Variants in NUP205 observed in about 807,000 individuals in gnomAD.
NUP205 encodes the protein nuclear pore complex protein Nup205.
In NUP205, 76 loss-of-function variants were observed where a neutral mutation model predicts 253.8. That is an observed-to-expected ratio of 0.30 (90% CI 0.25 to 0.36). NUP205 has a LOEUF of 0.36. Ranked by LOEUF, NUP205 falls within the 10% of genes least tolerant of loss-of-function variation. NUP205 has a pLI of 1.00. For missense variants in NUP205, 2,162 were observed against 2,425.5 expected (o/e 0.89, Z 2.28); for synonymous variants, 832 against 850.1 (o/e 0.98, Z 0.37).
At position 135,630,741 on chromosome 7, in the gene NUP205, T is replaced by C. The variant is rs980010147; in HGVS notation, c.5059+271T>C. 1.5e-4 allele frequency among the ~76,000 whole-genome samples: 23 copies of C among 152,170 alleles called. No homozygotes were observed. The East Asian group carries it at 3.3e-3, about 22-fold the overall frequency. ...GGGTTCAAGACCAGCCTGGGCAACA[T>C]AGAGACACCCTGTCTCTACCAAAAA... On this transcript the variant is annotated intron_variant, in intron 35 of 42. Transcript: ENST00000285968.
chr7:135,595,710 C>T (rs936698380), intron 13 of NUP205, among the ~76,000 whole-genome samples: 24 of 151,998 alleles, frequency 1.6e-4, no homozygotes, highest in African/African-American at 5.3e-4. Flanking sequence ...TGTTTGAAGT[C>T]TCAATAACTT....
rs1479529330 is a variant in NUP205 at position 135,625,258 on chromosome 7, T to C, written c.4574T>C (p.Leu1525Pro). The C allele has an allele frequency of 6.2e-7, 1 of 1,614,174 alleles. No homozygotes were observed. Among genetic ancestry groups the C allele is most frequent in the Non-Finnish European group, 8.5e-7 (1 of 1,180,010 alleles). Residue 1525 changes from leucine (L) to proline (P), a missense_variant, in exon 32 of 43, where the codon CTC (leucine) becomes CCC (proline). Leu to Pro is a moderately conservative substitution (Grantham distance 98, BLOSUM62 -3). Around this residue, in one of 5 missense-constraint regions of NUP205, gnomAD observed 1,144 missense variants for 1,280.9 expected, o/e 0.89. Coordinates refer to ENST00000285968, the MANE Select transcript of NUP205 (RefSeq NM_015135.3). ...TCTAACAGTGGCTACTTGAAGGTCCTCGTAGACAGCTTGGTAGAAGATGAC... is the reference window on the plus strand; with the variant it reads ...TCTAACAGTGGCTACTTGAAGGTCCCCGTAGACAGCTTGGTAGAAGATGAC... ...YLSNSGYLKVLVDSLVEDDRT... is the reference protein window; with the variant it reads ...YLSNSGYLKVPVDSLVEDDRT...
chr7:135,567,121 T>C (rs1239172938), intron 1 of NUP205, among the ~76,000 whole-genome samples: 21 of 1,604 alleles, frequency 0.013, no homozygotes, highest in African/African-American at 0.02. Context: ...TTGCTCAGTC[T>C]ATGTGTGTAT....
chr7:135,608,977 G>A (rs747711204), intron 22 of NUP205, among the ~76,000 whole-genome samples: 77 of 150,956 alleles, frequency 5.1e-4, no homozygotes, highest in African/African-American at 1.7e-3. Context: ...GGTTGTGGAC[G>A]CCTGTAATCC....
At chr7:135,617,788 G>A in intron 27 of NUP205, 106 bp downstream of exon 27, 2 of 566,290 alleles carry the variant, frequency 3.5e-6, no homozygotes, top group African/African-American at 1.9e-5. Context: ...TTAGTAAGCT[G>A]CCTAAAAATT....
At chr7:135,614,415 C>G (rs372823487) in intron 23 of NUP205, 142 bp downstream of exon 23, 1 of 567,836 alleles carries the variant, frequency 1.8e-6, no homozygotes, top group East Asian at 3.0e-5. Flanking sequence ...TTTGTAATTT[C>G]TGCTTAAAGA....
At position 135,609,395 on chromosome 7, in the gene NUP205, G is replaced by A. The variant is rs1360230559; in HGVS notation, c.3195+2024G>A. Among the ~76,000 whole-genome samples the A allele has an allele frequency of 2.0e-5, 3 of 151,396 alleles. No homozygotes were observed. In the East Asian group the frequency reaches 5.9e-4, roughly 30 times the overall value. On this transcript the variant is annotated intron_variant, in intron 22 of 42. Transcript: ENST00000285968. ...CGGGAGGCTGAGGCAGGAGAATGGC[G>A]TGAACCCGGGAGGTGGAGCTTGCAG... is the stretch of plus-strand genomic sequence containing the variant.
In NUP205 at chr7:135,565,613, G is replaced by A. The variant is rs146882496; in HGVS notation, c.29-5492G>A. On this transcript the variant is annotated intron_variant, in intron 1 of 42. Transcript: ENST00000285968. ...ATGCCTGGCTAATTTTGTATTTTTA[G>A]TAGAGATGGGGTTTCTCTATGTTGA... is the stretch of plus-strand genomic sequence containing the variant. Among the ~76,000 whole-genome samples the A allele has an allele frequency of 2.8e-3, 430 of 151,970 alleles. 9 individuals carry two copies. The East Asian group carries it at 0.051, about 18-fold the overall frequency.
chr7:135,637,829 G>A, intron 36 of NUP205, 102 bp from the exon 37 acceptor site: 1 of 1,076,510 alleles, frequency 9.3e-7, no homozygotes, highest in East Asian at 2.5e-5. Flanking sequence ...GATGCCTTAA[G>A]GACTGATTCC....
intron 42 of NUP205, 121 bp from the exon 43 acceptor site, chr7:135,648,283 A>C (rs911700360): frequency 2.5e-6 from 2 of 785,982 alleles, no homozygotes; most frequent in Non-Finnish European, 3.6e-6. Flanking sequence ...AAAATTCAAA[A>C]GTATTTACAT....
intron 22 of NUP205, 24 bp downstream of exon 22, chr7:135,607,395 G>A (rs774059161): frequency 3.9e-5 from 62 of 1,609,246 alleles, no homozygotes; most frequent in Non-Finnish European, 4.9e-5. Context: ...TGCGTTTTGT[G>A]GTACTGAATA....
chr7:135,563,427 TGTG>T (rs1805649429), intron 1 of NUP205, among the ~76,000 whole-genome samples: 1 of 152,070 alleles, frequency 6.6e-6, no homozygotes, highest in Non-Finnish European at 1.5e-5. Context: ...GACCTCGTGA[TGTG>T]GCCCGCCTTG....
At chr7:135,628,276 T>G (rs868308534) in intron 34 of NUP205, among the ~76,000 whole-genome samples, 165 bp downstream of exon 34, 2 of 152,024 alleles carry the variant, frequency 1.3e-5, no homozygotes, top group Non-Finnish European at 2.9e-5. Context: ...CTTAACTACA[T>G]TGGTCCATTT....
chr7:135,638,660 T>C lies in NUP205; in HGVS notation c.5369T>C (p.Val1790Ala), dbSNP rs779456287. The change falls in exon 38 of 43, where the codon GTT (valine) becomes GCT (alanine). Residue 1790 changes from valine to alanine, a missense_variant. Transcript: ENST00000285968. ...CLFTPSLSET[V>A]NRDGPRQDTQ... ...TTCACTCCTAGCCTTTCAGAAACAG[T>C]TAATAGAGATGGACCGCGGCAAGGT... 1 of 1,614,116 alleles carries C rather than the reference T, an allele frequency of 6.2e-7. No homozygotes were observed. The highest frequency in any genetic ancestry group is 8.5e-7 in the Non-Finnish European group (1 of 1,180,012).
At chr7:135,588,381 C>T (rs1806531460) in intron 10 of NUP205, among the ~76,000 whole-genome samples, 1 of 150,888 alleles carries the variant, frequency 6.6e-6, no homozygotes, top group South Asian at 2.1e-4. Flanking sequence ...GCTCAAGTGT[C>T]CATCTGCCTC....
rs1262177038 is a variant in NUP205, at chr7:135,587,969, C to T, written c.1450C>T (p.His484Tyr). Residue 484 changes from histidine (H) to tyrosine (Y), a missense_variant, in exon 10 of 43, where the codon CAT (histidine) becomes TAT (tyrosine). Around this residue, in one of 5 missense-constraint regions of NUP205, gnomAD observed 892 missense variants for 957.1 expected, o/e 0.93. Coordinates refer to ENST00000285968, the MANE Select transcript of NUP205 (RefSeq NM_015135.3). ...TIMGSYLGVAHQRPPQRQVVL... is the reference protein window; with the variant it reads ...TIMGSYLGVAYQRPPQRQVVL... ...CATGGGCTCTTATCTAGGGGTGGCTCATCAGCGGCCCCCTCAACGCCAGGT... is the reference window on the plus strand; with the variant it reads ...CATGGGCTCTTATCTAGGGGTGGCTTATCAGCGGCCCCCTCAACGCCAGGT... 7 of 1,613,424 alleles carry T rather than the reference C, an allele frequency of 4.3e-6. No homozygotes were observed. The highest frequency in any genetic ancestry group is 5.9e-6 in the Non-Finnish European group (7 of 1,179,780).
rs913436459 is a variant in NUP205 at position 135,619,396 on chromosome 7, C to T, written c.3964-27C>T. Reference sequence around the variant, plus strand: ...TGATTATAGCTGAAAGCAGGATTCTCACTCTAATTTGCCCTTGTCCTTTAA... The same window carrying T: ...TGATTATAGCTGAAAGCAGGATTCTTACTCTAATTTGCCCTTGTCCTTTAA... On this transcript the variant is annotated intron_variant, in intron 28 of 42. Transcript: ENST00000285968. The T allele has an allele frequency of 6.3e-6, 10 of 1,593,176 alleles. No homozygotes were observed. In the East Asian group the frequency reaches 2.2e-4, roughly 36 times the overall value.
Position 135,601,540 on chromosome 7 carries a change from C to T in NUP205, c.2512+33C>T, listed in dbSNP as rs754237448. On this transcript the variant is annotated intron_variant, in intron 17 of 42. Coordinates refer to ENST00000285968, the MANE Select transcript of NUP205 (RefSeq NM_015135.3). ...CTTAAAAGCCTTCATGTCTTGCAAA[C>T]AGCTTTGATGTTTTCATCTTTTGTA... 3.1e-6 allele frequency: 5 copies of T among 1,592,696 alleles called. 1 individual carries two copies. The South Asian group carries it at 4.6e-5, about 15-fold the overall frequency.
chr7:135,585,063 A>G (rs1806419815), intron 8 of NUP205, 56 bp downstream of exon 8: 14 of 1,379,020 alleles, frequency 1.0e-5, no homozygotes, highest in Non-Finnish European at 1.4e-5. Flanking sequence ...AAAATAATTT[A>G]AAACTGATTA....
Sources: gnomAD v4.1 joint callset for allele counts (sites outside exome capture counted in the v4.1 genomes callset) on GRCh38, gnomAD v4.1.1 for gene constraint, gnomAD v4.1.1 regional missense constraint, MANE v1.5 for transcripts, NCBI Gene and HGNC (gene_info 2026-07-23, HGNC 2026-07-21) for gene names.